The following USP42 variants were observed in gnomAD, a reference collection of about 807,000 sequenced individuals.
USP42 encodes the protein ubiquitin specific peptidase 42.
Under a neutral mutation model 113.0 loss-of-function variants are expected in USP42, and 23 were observed. The observed-to-expected ratio is 0.20, with a 90% confidence interval of 0.15 to 0.29. USP42 has a LOEUF of 0.29. Ranked by LOEUF, USP42 falls within the 10% of genes least tolerant of loss-of-function variation. USP42 has a pLI of 1.00. For missense variants in USP42, 2,174 were observed against 1,779.8 expected, an observed-to-expected ratio of 1.22 and a Z score of -3.99; for synonymous variants, 933 against 699.0, an observed-to-expected ratio of 1.33 and a Z score of -5.28.
At chr7:6,083,314 GGT>G in the USP42 span, among the ~76,000 whole-genome samples, 1 of 149,194 alleles carries the variant, frequency 6.7e-6, no homozygotes, top group African/African-American at 2.5e-5. Context: ...GGAGTGCAGT[GGT>G]GCTATCTTGG....
At chr7:6,115,292 G>T in intron 2 of USP42, 31 bp from the exon 3 acceptor site, 4 of 1,609,118 alleles carry the variant, frequency 2.5e-6, no homozygotes, top group East Asian at 2.2e-5. Context: ...GCAAAGCTTG[G>T]TTTCTGACTC....
chr7:6,131,067 AG>A (rs1780824645), intron 3 of USP42, among the ~76,000 whole-genome samples: 1 of 152,028 alleles, frequency 6.6e-6, no homozygotes, highest in Non-Finnish European at 1.5e-5. Flanking sequence ...AGGTGGATGG[AG>A]AAGGAAGGGC....
intron 4 of USP42, among the ~76,000 whole-genome samples, chr7:6,137,225 T>C (rs979288646): frequency 6.6e-6 from 1 of 152,226 alleles, no homozygotes; most frequent in African/African-American, 2.4e-5. Flanking sequence ...CACTGAAGAT[T>C]AAAGAGGTCT....
In USP42 at chr7:6,154,184, G is replaced by A; in HGVS notation, c.2630G>A (p.Gly877Glu). ...CAGCCACTCCTTGTTCACCCCAGCG[G>A]GGACCACGCCCGGGACGCTCAGGAC... Reference protein sequence around the residue: ...CEQPLLVHPSGDHARDAQDPS... With the variant: ...CEQPLLVHPSEDHARDAQDPS... The change falls in exon 15 of 18, where the codon GGG (glycine) becomes GAG (glutamate). Residue 877 changes from glycine (G) to glutamate (E), a missense_variant. Transcript: ENST00000306177. 4 of 1,600,628 alleles carry A rather than the reference G, an allele frequency of 2.5e-6. No homozygotes were observed. The highest frequency in any genetic ancestry group is 3.4e-6 in the Non-Finnish European group (4 of 1,175,662).
chr7:6,151,436 T>C (rs895799085), intron 14 of USP42, among the ~76,000 whole-genome samples: 2 of 152,202 alleles, frequency 1.3e-5, no homozygotes, highest in Non-Finnish European at 1.5e-5. Context: ...ATAACTTCTT[T>C]TTTTGTTTGT....
chr7:6,118,797 C>G (rs1469567367), intron 3 of USP42, among the ~76,000 whole-genome samples: 1 of 152,096 alleles, frequency 6.6e-6, no homozygotes, highest in South Asian at 2.1e-4. Flanking sequence ...GATTGAAGCA[C>G]TTTAGACAGA....
At chr7:6,095,265 A>G in the USP42 span, among the ~76,000 whole-genome samples, 12 of 151,324 alleles carry the variant, frequency 7.9e-5, no homozygotes, top group Non-Finnish European at 1.3e-4. Flanking sequence ...CTTAGCAATA[A>G]GGGAACCCTG....
Position 6,157,857 on chromosome 7 carries a change from GGCTGTGTCTCCGTCCTGTGGCCACAC to G in USP42, c.3943+809_3943+834del, listed in dbSNP as rs1463914528. On this transcript the variant is annotated intron_variant, in intron 16 of 17. Coordinates refer to ENST00000306177, the MANE Select transcript of USP42 (RefSeq NM_032172.3). The surrounding 1 kb of genome is among the most constrained non-coding windows in gnomAD (Gnocchi z 4.1). ...TCCTGGATTCTCTTCTGCCCTGTGG[GGCTGTGTCTCCGTCCTGTGGCCACAC>G]GCTGTGCTCTTACTGCACTTGAGGC... Among the ~76,000 whole-genome samples the G allele has an allele frequency of 6.6e-6, 1 of 152,116 alleles. No homozygotes were observed. Among genetic ancestry groups the G allele is most frequent in the African/African-American group, 2.4e-5 (1 of 41,422 alleles).
Position 6,150,438 on chromosome 7 carries a change from C to A in USP42, c.2133C>A (p.Leu711=), listed in dbSNP as rs895133220. Residue 711 remains leucine (L), a synonymous_variant, in exon 14 of 18, where the codon CTC becomes CTA. Transcript: ENST00000306177. The part of the protein sequence containing the change: ...GKLMPAPLLS[L]PEDKILETFR... ...TGATGCCTGCTCCTTTGCTGTCTCT[C>A]CCAGAAGACAAAATCTTAGAGACCT... The A allele has an allele frequency of 6.2e-7, 1 of 1,613,800 alleles. No homozygotes were observed. Among genetic ancestry groups the A allele is most frequent in the African/African-American group, 1.3e-5 (1 of 74,914 alleles).
the USP42 span, among the ~76,000 whole-genome samples, chr7:6,092,085 T>C: frequency 8.8e-5 from 12 of 136,952 alleles, 1 homozygote; most frequent in Non-Finnish European, 1.1e-4. Context: ...CCTCTTCCTC[T>C]TCTTCTTCTT....
At chr7:6,150,539 C>T in intron 14 of USP42, 33 bp downstream of exon 14, 1 of 1,589,634 alleles carries the variant, frequency 6.3e-7, no homozygotes, top group Non-Finnish European at 8.6e-7. Context: ...GCACGTGTGG[C>T]AGCATAGTAG....
chr7:6,143,465 ACT>A (rs1195347165), intron 8 of USP42, among the ~76,000 whole-genome samples: 2 of 151,272 alleles, frequency 1.3e-5, no homozygotes, highest in Non-Finnish European at 2.9e-5. Context: ...TTGCTGAAAA[ACT>A]CTAATTTTGA....
intron 1 of USP42, among the ~76,000 whole-genome samples, chr7:6,106,073 C>A (rs1309025822): frequency 6.6e-6 from 1 of 152,208 alleles, no homozygotes; most frequent in Non-Finnish European, 1.5e-5. Context: ...CTTTGTCACT[C>A]ATTCAAATTG....
At position 6,111,249 on chromosome 7, in the gene USP42, G is replaced by A. The variant is rs1279367699; in HGVS notation, c.116G>A (p.Gly39Asp). The change falls in exon 2 of 18, where the codon GGT becomes GAT. Residue 39 changes from glycine to aspartate, a missense_variant. Transcript: ENST00000306177. ...GDMDAGSASW[G>D]AVSSLNDVSN... ...ATGGATGCAGGTTCTGCCAGCTGGG[G>A]TGCTGTGTCTTCATTGAATGATGTG... The A allele has an allele frequency of 1.9e-6, 3 of 1,608,622 alleles. No homozygotes were observed. Among genetic ancestry groups the A allele is most frequent in the South Asian group, 1.1e-5 (1 of 90,238 alleles).
intron 2 of USP42, among the ~76,000 whole-genome samples, chr7:6,114,445 C>T (rs1779766139): frequency 6.6e-6 from 1 of 151,794 alleles, no homozygotes; most frequent in Non-Finnish European, 1.5e-5. Flanking sequence ...ATACCAGCAC[C>T]TCCTTATCTC....
At chr7:6,082,513 G>T in the USP42 span, among the ~76,000 whole-genome samples, 1 of 150,686 alleles carries the variant, frequency 6.6e-6, no homozygotes, top group Non-Finnish European at 1.5e-5. Context: ...AGCAGTTCAG[G>T]AGGCAAAGGC....
Position 6,155,186 on chromosome 7 carries a change from G to T in USP42, c.3632G>T (p.Arg1211Leu), listed in dbSNP as rs1013458121. 4 of 1,531,220 alleles carry T rather than the reference G, an allele frequency of 2.6e-6. No homozygotes were observed. Among genetic ancestry groups the T allele is most frequent in the South Asian group, 1.2e-5 (1 of 83,438 alleles). The allele number at this position is 1,531,220 out of a possible 1,614,324, so 94.9% of individuals were successfully genotyped here. The part of the protein sequence containing the change: ...KKKSKDKHRD[R>L]DSRHQQDSDL... ...AAATCCAAAGACAAACACCGAGACC[G>T]CGACTCCAGGTGAGCCTGGGGCCTT... The change falls in exon 15 of 18, where the codon CGC (arginine) becomes CTC (leucine). Residue 1211 changes from arginine to leucine, a missense_variant. Transcript: ENST00000306177.
In USP42 at chr7:6,153,949, G is replaced by A. The variant is rs745557502; in HGVS notation, c.2395G>A (p.Glu799Lys). Residue 799 changes from glutamate to lysine, a missense_variant, in exon 15 of 18, where the codon GAG (glutamate) becomes AAG (lysine). Coordinates refer to ENST00000306177, the MANE Select transcript of USP42 (RefSeq NM_032172.3). ...GAWEAMAVAP[E>K]EPPPSAGEDI... is the part of the protein sequence containing the mutation. ...CTGGGAGGCCATGGCCGTCGCCCCC[G>A]AGGAGCCTCCGCCCAGCGCCGGCGA... 4.7e-5 allele frequency: 75 copies of A among 1,597,574 alleles called. No individual in the cohort carries two copies. The highest frequency in any genetic ancestry group is 5.9e-5 in the Non-Finnish European group (69 of 1,174,846).
chr7:6,154,022 G>A lies in USP42; in HGVS notation c.2468G>A (p.Ser823Asn), dbSNP rs747785779. Residue 823 changes from serine to asparagine, a missense_variant, in exon 15 of 18, where the codon AGC becomes AAC. Ser to Asn is a conservative substitution (Grantham distance 46). Coordinates refer to ENST00000306177, the MANE Select transcript of USP42 (RefSeq NM_032172.3). ...TAPPDLCDPG[S>N]LTGDASPLSQ... ...CCCCCTGACCTGTGTGATCCCGGGA[G>A]CTTAACAGGCGATGCGAGCCCGTTG... The A allele has an allele frequency of 1.2e-6, 2 of 1,604,466 alleles. No individual in the cohort carries two copies. Among genetic ancestry groups the A allele is most frequent in the South Asian group, 1.1e-5 (1 of 91,052 alleles).
Sources: gnomAD v4.1 joint callset for allele counts (sites outside exome capture counted in the v4.1 genomes callset) on GRCh38, gnomAD v4.1.1 for gene constraint, Gnocchi (gnomAD v3.1) non-coding constraint, MANE v1.5 for transcripts, NCBI Gene and HGNC (gene_info 2026-07-23, HGNC 2026-07-21) for gene names.